The following CLVS1 variants were observed in gnomAD, a reference collection of about 807,000 sequenced individuals.
CLVS1 encodes clavesin-1.
Under a neutral mutation model 33.1 loss-of-function variants are expected in CLVS1, and 10 were observed. The observed-to-expected ratio is 0.30, with a 90% CI of 0.19 to 0.51. The LOEUF (loss-of-function observed/expected upper bound fraction) is 0.51. Ranked by LOEUF, CLVS1 falls within the 20% of genes least tolerant of loss-of-function variation. The pLI is 0.97. For missense variants in CLVS1, 343 were observed against 433.4 expected, an observed-to-expected ratio of 0.79 and a Z score of 1.85; for synonymous variants, 163 against 166.1, an observed-to-expected ratio of 0.98 and a Z score of 0.14.
the CLVS1 span, among the ~76,000 whole-genome samples, chr8:60,998,506 C>T: frequency 6.6e-6 from 1 of 152,106 alleles, no homozygotes; most frequent in Admixed American, 6.5e-5. Flanking sequence ...GCCTGTTTGG[C>T]TACCATCACA....
At chr8:61,437,119 G>A (rs1206329385) in intron 3 of CLVS1, among the ~76,000 whole-genome samples, 1 of 152,152 alleles carries the variant, frequency 6.6e-6, no homozygotes, top group Non-Finnish European at 1.5e-5. Context: ...TTGTGGTACT[G>A]CTCCTTTTCC....
intron 1 of CLVS1, among the ~76,000 whole-genome samples, chr8:61,113,581 T>C (rs1805667203): frequency 6.6e-6 from 1 of 152,176 alleles, no homozygotes; most frequent in African/African-American, 2.4e-5. Context: ...ACTCCTTCTA[T>C]GCAAAAGAGG....
chr8:61,274,539 C>A (rs1484263976), intron 2 of CLVS1, among the ~76,000 whole-genome samples: 1 of 152,094 alleles, frequency 6.6e-6, no homozygotes, highest in Non-Finnish European at 1.5e-5. Flanking sequence ...GAGTTCATTA[C>A]CATTTGTACC....
At chr8:61,358,990 C>G (rs986063699) in intron 2 of CLVS1, among the ~76,000 whole-genome samples, 1 of 152,118 alleles carries the variant, frequency 6.6e-6, no homozygotes, top group Non-Finnish European at 1.5e-5. Flanking sequence ...AAAGTTTAAT[C>G]CATTCTCAGT....
intron 2 of CLVS1, among the ~76,000 whole-genome samples, chr8:61,371,856 G>A (rs1813452220): frequency 6.6e-6 from 1 of 152,118 alleles, no homozygotes; most frequent in South Asian, 2.1e-4. Context: ...ACAGTATAAT[G>A]ATGAAACCCC....
At chr8:60,968,334 G>T in the CLVS1 span, among the ~76,000 whole-genome samples, 6 of 152,104 alleles carry the variant, frequency 3.9e-5, no homozygotes, top group Non-Finnish European at 8.8e-5. Context: ...TGACCAACAT[G>T]GTGAAACCCT....
At chr8:61,201,945 C>T (rs537512604) in intron 2 of CLVS1, among the ~76,000 whole-genome samples, 17 of 152,154 alleles carry the variant, frequency 1.1e-4, no homozygotes, top group African/African-American at 4.8e-5. Context: ...ACAGATCCAC[C>T]CTACTGCTGT....
chr8:61,014,808 A>G, the CLVS1 span, among the ~76,000 whole-genome samples: 1 of 152,230 alleles, frequency 6.6e-6, no homozygotes, highest in African/African-American at 2.4e-5. Context: ...TAGTTGGGCA[A>G]AACAACTGCA....
chr8:61,059,567 T>C (rs1289040434), intron 1 of CLVS1, among the ~76,000 whole-genome samples: 2 of 146,498 alleles, frequency 1.4e-5, no homozygotes, highest in East Asian at 2.1e-4. Flanking sequence ...TCCCAGCACT[T>C]TGGGAGGCCA....
At chr8:61,469,796 G>T (rs1817674962) in intron 5 of CLVS1, among the ~76,000 whole-genome samples, 1 of 152,148 alleles carries the variant, frequency 6.6e-6, no homozygotes, top group African/African-American at 2.4e-5. Flanking sequence ...GTTCCATATG[G>T]CTGTTCCATT....
intron 1 of CLVS1, among the ~76,000 whole-genome samples, chr8:61,096,936 T>C (rs1259947911): frequency 6.6e-6 from 1 of 152,164 alleles, no homozygotes; most frequent in African/African-American, 2.4e-5. Context: ...TTTTTCAGCA[T>C]CTGTAGCAGA....
At chr8:61,323,609 G>A (rs915233810) in intron 2 of CLVS1, among the ~76,000 whole-genome samples, 1 of 151,950 alleles carries the variant, frequency 6.6e-6, no homozygotes, top group Non-Finnish European at 1.5e-5. Flanking sequence ...ATCCAGAAGT[G>A]GACAAGGCTT....
chr8:61,170,717 C>T (rs1563429837), intron 2 of CLVS1, among the ~76,000 whole-genome samples: 1 of 152,156 alleles, frequency 6.6e-6, no homozygotes, highest in Non-Finnish European at 1.5e-5. Flanking sequence ...AACCTCATGG[C>T]ATAATCTACT....
chr8:61,364,094 AT>A (rs1813094879), intron 2 of CLVS1, among the ~76,000 whole-genome samples: 1 of 152,210 alleles, frequency 6.6e-6, no homozygotes, highest in African/African-American at 2.4e-5. Context: ...TGTTGGTAGC[AT>A]TTGCAGAAAG....
chr8:61,084,306 T>C (rs1805078968), intron 1 of CLVS1, among the ~76,000 whole-genome samples: 1 of 152,206 alleles, frequency 6.6e-6, no homozygotes, highest in Non-Finnish European at 1.5e-5. Flanking sequence ...ACTTGTAATA[T>C]AACCCACCTG....
intron 2 of CLVS1, among the ~76,000 whole-genome samples, chr8:61,139,644 A>G (rs1418030616): frequency 6.6e-6 from 1 of 151,668 alleles, no homozygotes; most frequent in Non-Finnish European, 1.5e-5. Context: ...GGAAGGCGAC[A>G]TCCCGGCCTC....
intron 3 of CLVS1, among the ~76,000 whole-genome samples, chr8:61,427,332 C>T (rs1815932027): frequency 6.6e-6 from 1 of 152,128 alleles, no homozygotes; most frequent in African/African-American, 2.4e-5. Context: ...CAGTGGCAGA[C>T]TGAGTTAGCC....
At chr8:61,017,625 A>G in the CLVS1 span, among the ~76,000 whole-genome samples, 1 of 152,282 alleles carries the variant, frequency 6.6e-6, no homozygotes, top group Non-Finnish European at 1.5e-5. Flanking sequence ...GAAAGCTGCC[A>G]CAAGGACTGG....
At chr8:61,128,127 T>A (rs906455519) in intron 1 of CLVS1, among the ~76,000 whole-genome samples, 1 of 152,246 alleles carries the variant, frequency 6.6e-6, no homozygotes, top group African/African-American at 2.4e-5. Context: ...GCCAAATATC[T>A]GAGTTTTTGA....
Sources: gnomAD v4.1 joint callset for allele counts (sites outside exome capture counted in the v4.1 genomes callset) on GRCh38, gnomAD v4.1.1 for gene constraint, MANE v1.5 for transcripts, NCBI Gene and HGNC (gene_info 2026-07-23, HGNC 2026-07-21) for gene names.